The following CSNK1D variants were observed in gnomAD, a reference collection of about 807,000 sequenced individuals.
The protein encoded by CSNK1D is casein kinase I isoform delta.
Under a neutral mutation model 46.6 loss-of-function variants are expected in CSNK1D, and 16 were observed. The ratio of observed to expected loss-of-function variants is 0.34; its 90% CI spans 0.23 to 0.52. The LOEUF is 0.52. CSNK1D is among the 20% of genes least tolerant of loss of function. The pLI is 0.95. For missense variants in CSNK1D, 398 were observed against 578.4 expected, an observed-to-expected ratio of 0.69 and a Z score of 3.20; for synonymous variants, 276 against 228.2, an observed-to-expected ratio of 1.21 and a Z score of -1.89.
chr17:82,246,072 G>A (rs775558407), intron 8 of CSNK1D: 57 of 1,592,694 alleles, frequency 3.6e-5, no homozygotes, highest in Non-Finnish European at 4.7e-5. Flanking sequence ...GTTGGTAAGC[G>A]TCCCGCTGGC....
At position 82,253,026 on chromosome 17, in the gene CSNK1D, G is replaced by A. The variant is rs1373448798; in HGVS notation, c.555C>T (p.His185=). The A allele has an allele frequency of 1.9e-6, 3 of 1,613,884 alleles. No homozygotes were observed. Among genetic ancestry groups the A allele is most frequent in the South Asian group, 1.1e-5 (1 of 91,078 alleles). Residue 185 remains histidine (H), a synonymous_variant, in exon 4 of 9, where the codon CAC becomes CAT. Coordinates refer to ENST00000314028, the MANE Select transcript of CSNK1D (RefSeq NM_001893.6). ...GTARYASINT[H]LGIEQSRRDD... ...TGCCCAGGGGCTCACCAATTCCAAG[G>A]TGCGTGTTGATGGAGGCGTACCGCG...
chr17:82,264,091 T>C (rs2051406911), intron 2 of CSNK1D, among the ~76,000 whole-genome samples: 3 of 152,262 alleles, frequency 2.0e-5, no homozygotes, highest in Admixed American at 6.5e-5. Context: ...TAGCACAGAT[T>C]ACGTGCTTGT....
At chr17:82,268,779 G>A (rs1185585257) in intron 1 of CSNK1D, among the ~76,000 whole-genome samples, 3 of 152,024 alleles carry the variant, frequency 2.0e-5, no homozygotes, top group Non-Finnish European at 4.4e-5. Flanking sequence ...ACAAAATTAC[G>A]TCCCTCAAGT....
chr17:82,249,764 G>T lies in CSNK1D; in HGVS notation c.886-162C>A. The T allele has an allele frequency of 6.8e-7, 1 of 1,478,702 alleles. No individual in the cohort carries two copies. The allele number at this position is 1,478,702 out of a possible 1,614,324, so 91.6% of individuals were successfully genotyped here. On this transcript the variant is annotated intron_variant, in intron 6 of 8. Coordinates refer to ENST00000314028, the MANE Select transcript of CSNK1D (RefSeq NM_001893.6). This position sits in a 1 kb window ranked among gnomAD's most constrained non-coding sequence, Gnocchi z 6.7. ...GGCTGCACGTTTCTCCTCATGGGAT[G>T]ACAGCATCATCCCCACAAGGGGTCA... is the stretch of plus-strand genomic sequence containing the variant.
rs752912327 is a variant in CSNK1D, at chr17:82,249,525, C to T, written c.963G>A (p.Pro321=). 10 of 1,544,994 alleles carry T rather than the reference C, an allele frequency of 6.5e-6. No individual in the cohort carries two copies. The Admixed American group carries it at 7.8e-5, about 12-fold the overall frequency. Reference sequence around the variant, plus strand: ...CTGTGGAAGGGAGGCCGCGGGTAGCCGGGTTCCGCGAGTGTCTCAGCCGCT... The same window carrying T: ...CTGTGGAAGGGAGGCCGCGGGTAGCTGGGTTCCGCGAGTGTCTCAGCCGCT... ...REERLRHSRN[P]ATRGLPSTAS... The change falls in exon 7 of 9, where the codon CCG becomes CCA. Residue 321 remains proline, a synonymous_variant. Coordinates refer to ENST00000314028, the MANE Select transcript of CSNK1D (RefSeq NM_001893.6). This position sits in a 1 kb window ranked among gnomAD's most constrained non-coding sequence, Gnocchi z 6.7.
downstream of CSNK1D, among the ~76,000 whole-genome samples, chr17:82,241,711 G>A (rs560656759): frequency 9.9e-5 from 15 of 152,224 alleles, no homozygotes; most frequent in East Asian, 3.9e-4. Flanking sequence ...CACGTGAGGC[G>A]GGCTGGAGAC....
intron 1 of CSNK1D, among the ~76,000 whole-genome samples, chr17:82,272,742 C>T (rs2051662628): frequency 6.6e-6 from 1 of 152,232 alleles, no homozygotes; most frequent in Non-Finnish European, 1.5e-5. Context: ...CCCACGAATG[C>T]AAGACACCGG....
downstream of CSNK1D, among the ~76,000 whole-genome samples, chr17:82,242,182 G>A (rs2050749492): frequency 6.8e-6 from 1 of 146,250 alleles, no homozygotes; most frequent in Non-Finnish European, 1.5e-5. Context: ...GCCCCCGCAG[G>A]CCTTGGATAG....
At chr17:82,239,773 C>T, downstream of CSNK1D, 2 of 395,074 alleles carry the variant, frequency 5.1e-6, no homozygotes, top group Non-Finnish European at 8.9e-6. Flanking sequence ...AGAAACAGGA[C>T]CCTCCTGCCT....
At chr17:82,253,730 ACCGAAGCCTC>A (rs2051075837) in intron 3 of CSNK1D, 1 of 287,912 alleles carries the variant, frequency 3.5e-6, no homozygotes, top group East Asian at 1.0e-4. Context: ...GAGCTGAGCC[ACCGAAGCCTC>A]CAGAAGCCTC....
chr17:82,251,090 C>A lies in CSNK1D; in HGVS notation c.885+289G>T, dbSNP rs1599586247. The A allele has an allele frequency of 9.0e-6, 4 of 444,494 alleles. No individual in the cohort carries two copies. In the East Asian group the frequency reaches 1.8e-4, roughly 20 times the overall value. 27.5% of individuals were successfully genotyped at this position (444,494 alleles called of 1,614,324 possible). On this transcript the variant is annotated intron_variant, in intron 6 of 8. Transcript: ENST00000314028. The surrounding 1 kb of genome is among the most constrained non-coding windows in gnomAD (Gnocchi z 4.5). ...CCACCCTCTGCCCCCAGGGCATGCT[C>A]TGGGCCCTAGCTCCGCTTGGTGACA...
At chr17:82,264,528 G>A (rs2051418064) in intron 2 of CSNK1D, among the ~76,000 whole-genome samples, 2 of 152,208 alleles carry the variant, frequency 1.3e-5, no homozygotes, top group Non-Finnish European at 2.9e-5. Context: ...CTGAGGGCTC[G>A]CAGAACTGGG....
In CSNK1D at chr17:82,264,065, C is replaced by T. The variant is rs191159738; in HGVS notation, c.187+1621G>A. The stretch of plus-strand genomic sequence containing the variant: ...ATTTTGTGTCACATAAACTTAGAAA[C>T]GTCGGTTTCTTGTAGTAGCACAGAT... On this transcript the variant is annotated intron_variant, in intron 2 of 8. Transcript: ENST00000314028. Among the ~76,000 whole-genome samples, 11 of 152,352 alleles carry T rather than the reference C, an allele frequency of 7.2e-5. No homozygotes were observed. The East Asian group carries it at 7.7e-4, about 11-fold the overall frequency.
chr17:82,249,778 C>T lies in CSNK1D; in HGVS notation c.886-176G>A. On this transcript the variant is annotated intron_variant, in intron 6 of 8. Transcript: ENST00000314028. The surrounding 1 kb of genome is among the most constrained non-coding windows in gnomAD (Gnocchi z 6.7). Reference sequence around the variant, plus strand: ...CCTCATGGGATGACAGCATCATCCCCACAAGGGGTCAGAGCCAGGCCTCTC... The same window carrying T: ...CCTCATGGGATGACAGCATCATCCCTACAAGGGGTCAGAGCCAGGCCTCTC... 1 of 1,464,866 alleles carries T rather than the reference C, an allele frequency of 6.8e-7. No individual in the cohort carries two copies. Among genetic ancestry groups the T allele is most frequent in the Non-Finnish European group, 9.0e-7 (1 of 1,110,374 alleles). The allele number at this position is 1,464,866 out of a possible 1,614,324, so 90.7% of individuals were successfully genotyped here. A position where few individuals can be genotyped will look rare whatever the true frequency, so the allele number is the denominator to read the frequency against.
intron 3 of CSNK1D, chr17:82,253,506 G>A (rs2051068200): frequency 2.1e-6 from 1 of 481,600 alleles, no homozygotes; most frequent in Non-Finnish European, 3.9e-6. Context: ...CGACAGAGAG[G>A]GGACAACCCG....
chr17:82,240,333 A>T (rs565877897), downstream of CSNK1D, among the ~76,000 whole-genome samples: 190 of 152,078 alleles, frequency 1.2e-3, no homozygotes, highest in African/African-American at 4.3e-3. Context: ...GGAGGCAGGG[A>T]GCAGACGAGG....
At chr17:82,247,774 A>T in intron 8 of CSNK1D, 1 of 985,438 alleles carries the variant, frequency 1.0e-6, no homozygotes, top group Non-Finnish European at 1.2e-6. Context: ...AGCCCAATTC[A>T]TATAACCACA....
chr17:82,267,963 G>A (rs903558308), intron 1 of CSNK1D, among the ~76,000 whole-genome samples: 6 of 152,232 alleles, frequency 3.9e-5, no homozygotes, highest in Non-Finnish European at 7.3e-5. Context: ...ACTGACTGTC[G>A]TGGGGCAAAA....
At position 82,249,312 on chromosome 17, in the gene CSNK1D, C is replaced by T; in HGVS notation, c.1057+119G>A. On this transcript the variant is annotated intron_variant, in intron 7 of 8. Coordinates refer to ENST00000314028, the MANE Select transcript of CSNK1D (RefSeq NM_001893.6). The surrounding 1 kb of genome is among the most constrained non-coding windows in gnomAD (Gnocchi z 6.7). ...TGGCTCATCCACCCTCAGGAGCGAG[C>T]ATCGCCTGACACAGGGCACTTAGTG... 9.0e-7 allele frequency: 1 copy of T among 1,110,328 alleles called. No individual in the cohort carries two copies. The highest frequency in any genetic ancestry group is 1.3e-6 in the Non-Finnish European group (1 of 777,844). The allele number at this position is 1,110,328 out of a possible 1,614,324, so 68.8% of individuals were successfully genotyped here.
Sources: gnomAD v4.1 joint callset for allele counts (sites outside exome capture counted in the v4.1 genomes callset) on GRCh38, gnomAD v4.1.1 for gene constraint, Gnocchi (gnomAD v3.1) non-coding constraint, MANE v1.5 for transcripts, NCBI Gene and HGNC (gene_info 2026-07-23, HGNC 2026-07-21) for gene names.